Variants in UTP11 observed in about 807,000 individuals in gnomAD.
UTP11 encodes UTP11 small subunit processome component.
A neutral mutation model predicts 39.0 loss-of-function variants in UTP11; 29 were observed. The observed-to-expected ratio is 0.74, with a 90% CI of 0.55 to 1.01. The LOEUF (loss-of-function observed/expected upper bound fraction) is 1.01, where lower values mean the gene tolerates loss of function less well. Among genes scored for constraint, UTP11 ranks in the 50% least tolerant of loss-of-function variants. The probability of loss-of-function intolerance (pLI) is 0.00; values close to 1 mark genes in which losing one functional copy is unlikely to be tolerated. For missense variants in UTP11, 281 were observed against 306.0 expected (o/e 0.92, Z 0.61); for synonymous variants, 111 against 105.0 (o/e 1.06, Z -0.35).
At chr1:38,023,454 T>C in intron 7 of UTP11, 91 bp from the exon 8 acceptor site, 1 of 1,140,412 alleles carries the variant, frequency 8.8e-7, no homozygotes, top group Non-Finnish European at 1.3e-6. Context: ...TGAGAAGGGC[T>C]GAAGCAGGTG....
At chr1:38,016,955 G>C (rs982304737) in intron 2 of UTP11, 13 of 158,174 alleles carry the variant, frequency 8.2e-5, no homozygotes, top group African/African-American at 3.1e-4. Flanking sequence ...AGCGATACAT[G>C]TCAGCTGAGG....
chr1:38,017,446 C>G, intron 2 of UTP11: 1 of 360,368 alleles, frequency 2.8e-6, no homozygotes, highest in Non-Finnish European at 5.0e-6. Flanking sequence ...TCAGGTTCCA[C>G]TGGAATAGGA....
At position 38,022,821 on chromosome 1, in the gene UTP11, G is replaced by C. The variant is rs1015130313; in HGVS notation, c.678+12G>C. 49 of 1,555,502 alleles carry C rather than the reference G, an allele frequency of 3.2e-5. No homozygotes were observed. Among genetic ancestry groups the C allele is most frequent in the African/African-American group, 5.5e-5 (4 of 72,768 alleles). On this transcript the variant is annotated intron_variant, in intron 7 of 7. Transcript: ENST00000373014. ...GCAAAGATCTTATGGTGAGGAGAGAGAGCCTTAGGCCTCTTTTTTTTTTTT... is the reference window on the plus strand; with the variant it reads ...GCAAAGATCTTATGGTGAGGAGAGACAGCCTTAGGCCTCTTTTTTTTTTTT...
In UTP11 at chr1:38,024,394, C is replaced by CTTTTTCT. The variant is rs1646753587; in HGVS notation, c.*771_*772insCTTTTTT. ...TTACAGTAAACAATTTGATGTCCTA[C>CTTTTTCT]TTTTTTTTTTTTTTTTTTTGAGACG... On this transcript the variant is annotated 3_prime_UTR_variant, in exon 8 of 8. Transcript: ENST00000373014. 1.6e-5 allele frequency: 2 copies of CTTTTTCT among 125,486 alleles called. No individual in the cohort carries two copies. The highest frequency in any genetic ancestry group is 1.8e-4 in the Admixed American group (2 of 11,424). 7.8% of individuals were successfully genotyped at this position (125,486 alleles called of 1,614,324 possible).
At chr1:38,016,180 C>T (rs1158872556) in intron 1 of UTP11, among the ~76,000 whole-genome samples, 179 bp from the exon 2 acceptor site, 1 of 152,258 alleles carries the variant, frequency 6.6e-6, no homozygotes, top group African/African-American at 2.4e-5. Flanking sequence ...GGCAGGGTCC[C>T]TCTCATCCTT....
rs1195842771 is a variant in UTP11 at position 38,021,264 on chromosome 1, G to A, written c.568-1435G>A. ...TAGCCGTGTCACTGACGCTTCTCAA[G>A]AATTGTGGTAGTCCCTAAAGAGATT... On this transcript the variant is annotated intron_variant, in intron 6 of 7. Coordinates refer to ENST00000373014, the MANE Select transcript of UTP11 (RefSeq NM_016037.4). Among the ~76,000 whole-genome samples the A allele has an allele frequency of 2.6e-5, 4 of 152,282 alleles. No individual in the cohort carries two copies. In the East Asian group the frequency reaches 7.7e-4, roughly 29 times the overall value.
intron 4 of UTP11, among the ~76,000 whole-genome samples, 183 bp downstream of exon 4, chr1:38,018,760 A>G (rs932839682): frequency 3.9e-5 from 6 of 152,210 alleles, no homozygotes; most frequent in African/African-American, 1.4e-4. Flanking sequence ...AGACAGACCT[A>G]GGGTTTGAGT....
chr1:38,016,859 A>T, intron 2 of UTP11: 1 of 166,020 alleles, frequency 6.0e-6, no homozygotes, highest in Non-Finnish European at 1.3e-5. Flanking sequence ...GTGATAATGA[A>T]CTCTGAAAAC....
rs1390920511 is a variant in UTP11 at position 38,023,560 on chromosome 1, G to A, written c.694G>A (p.Val232Met). The change falls in exon 8 of 8, where the codon GTG (valine) becomes ATG (methionine). Residue 232 changes from valine to methionine, a missense_variant. Physicochemically the swap from Val to Met is conservative, Grantham distance 21 (BLOSUM62 1). Coordinates refer to ENST00000373014, the MANE Select transcript of UTP11 (RefSeq NM_016037.4). ...RKDLMDKTQK[V>M]KVKKETVNSP... ...TCTTTTGTAGGATAAAACTCAGAAA[G>A]TGAAGGTGAAGAAAGAAACGGTGAA... The A allele has an allele frequency of 1.9e-6, 3 of 1,610,834 alleles. No individual in the cohort carries two copies. The highest frequency in any genetic ancestry group is 2.5e-6 in the Non-Finnish European group (3 of 1,178,840).
chr1:38,020,383 C>T (rs549486729), intron 6 of UTP11, among the ~76,000 whole-genome samples: 6 of 152,174 alleles, frequency 3.9e-5, no homozygotes, highest in African/African-American at 9.6e-5. Flanking sequence ...GGATTACAGG[C>T]GTGAGCCACC....
Position 38,019,252 on chromosome 1 carries a change from G to A in UTP11, c.437-1G>A. 6.2e-7 allele frequency: 1 copy of A among 1,614,076 alleles called. No homozygotes were observed. Among genetic ancestry groups the A allele is most frequent in the South Asian group, 1.1e-5 (1 of 91,078 alleles). ...GCCTTAAGGATTGTCTTGAATTTTA[G>A]TTGAACAGTTTGATGTCGCAACTCA... On this transcript the variant is annotated splice_acceptor_variant, in intron 5 of 7. Transcript: ENST00000373014. LOFTEE classifies it high-confidence loss of function.
At chr1:38,017,853 G>A (rs1022575080) in intron 3 of UTP11, 83 bp downstream of exon 3, 44 of 1,262,370 alleles carry the variant, frequency 3.5e-5, no homozygotes, top group Non-Finnish European at 4.7e-5. Context: ...AGGAAGAATC[G>A]TTGGCCTTAA....
At position 38,024,581 on chromosome 1, in the gene UTP11, ATTT is replaced by A. The variant is rs1270891634; in HGVS notation, c.*958_*960del. ...CCGCGCCTGGCTAATTTTTTTTTGT[ATTT>A]TTTTAGTAGAGACGGGGTTTCACCT... is the stretch of plus-strand genomic sequence containing the variant. On this transcript the variant is annotated 3_prime_UTR_variant, in exon 8 of 8. Transcript: ENST00000373014. 2 of 147,164 alleles carry A rather than the reference ATTT, an allele frequency of 1.4e-5. No homozygotes were observed. Among genetic ancestry groups the A allele is most frequent in the East Asian group, 4.0e-4 (2 of 5,024 alleles). The allele number at this position is 147,164 out of a possible 1,614,324, so 9.1% of individuals were successfully genotyped here. A position where few individuals can be genotyped will look rare whatever the true frequency, so the allele number is the denominator to read the frequency against.
intron 1 of UTP11, among the ~76,000 whole-genome samples, chr1:38,016,127 C>T (rs530150158): frequency 1.6e-4 from 25 of 152,368 alleles, no homozygotes; most frequent in Non-Finnish European, 3.5e-4. Context: ...CCTTAATAGG[C>T]CAAGAAACCT....
chr1:38,021,550 T>G (rs1646737645), intron 6 of UTP11, among the ~76,000 whole-genome samples: 1 of 152,160 alleles, frequency 6.6e-6, no homozygotes, highest in Non-Finnish European at 1.5e-5. Flanking sequence ...TGCAGATAGG[T>G]ATATGTGCTT....
At chr1:38,020,500 G>T (rs1646730410) in intron 6 of UTP11, among the ~76,000 whole-genome samples, 1 of 152,080 alleles carries the variant, frequency 6.6e-6, no homozygotes, top group Non-Finnish European at 1.5e-5. Flanking sequence ...CAGAAGACAT[G>T]CTTTTCCTGA....
Position 38,024,755 on chromosome 1 carries a change from A to G in UTP11, c.*1127A>G, listed in dbSNP as rs1433003065. On this transcript the variant is annotated 3_prime_UTR_variant, in exon 8 of 8. Transcript: ENST00000373014. ...CATTAGCTCTTTCCCAGTTTGTTAC[A>G]TCACAAAAGTTTTTTACAGTAATAT... The G allele has an allele frequency of 1.3e-5, 2 of 152,212 alleles. No homozygotes were observed. Among genetic ancestry groups the G allele is most frequent in the African/African-American group, 4.8e-5 (2 of 41,444 alleles). The allele number at this position is 152,212 out of a possible 1,614,324, so 9.4% of individuals were successfully genotyped here.
At chr1:38,017,470 CTG>C in intron 2 of UTP11, 196 bp from the exon 3 acceptor site, 1 of 436,500 alleles carries the variant, frequency 2.3e-6, no homozygotes, top group Non-Finnish European at 4.1e-6. Context: ...GTTGATTAGA[CTG>C]TGGACCCTGC....
chr1:38,022,341 G>A (rs1161337086), intron 6 of UTP11, among the ~76,000 whole-genome samples: 2 of 152,086 alleles, frequency 1.3e-5, no homozygotes, highest in African/African-American at 4.8e-5. Context: ...GACGGGTTTC[G>A]ATAAGATAGT....
Sources: allele counts gnomAD v4.1 joint callset (sites outside exome capture counted in the v4.1 genomes callset), GRCh38; gene constraint gnomAD v4.1.1; transcripts MANE v1.5; gene names NCBI Gene and HGNC (gene_info 2026-07-23, HGNC 2026-07-21).